Variants in MYO3B observed in about 807,000 individuals in gnomAD.
MYO3B encodes the protein myosin IIIB.
In MYO3B, 156 loss-of-function variants were observed where a neutral mutation model predicts 174.6. The observed-to-expected ratio is 0.89, with a 90% CI of 0.78 to 1.02. The LOEUF is 1.02. MYO3B is among the 50% of genes least tolerant of loss of function. The pLI, the probability that MYO3B is intolerant of heterozygous loss-of-function variation, is 0.00. For missense variants in MYO3B, 1,632 were observed against 1,639.4 expected, an observed-to-expected ratio of 1.00 and a Z score of 0.08; for synonymous variants, 563 against 569.1, an observed-to-expected ratio of 0.99 and a Z score of 0.15.
At chr2:170,289,951 C>G (rs1261308778) in intron 7 of MYO3B, among the ~76,000 whole-genome samples, 3 of 152,032 alleles carry the variant, frequency 2.0e-5, no homozygotes, top group African/African-American at 4.8e-5. Flanking sequence ...ATTTCATTGA[C>G]CCATTGGTCA....
chr2:170,241,106 T>A (rs2093127289), intron 7 of MYO3B, among the ~76,000 whole-genome samples: 1 of 149,108 alleles, frequency 6.7e-6, no homozygotes, highest in African/African-American at 2.5e-5. Flanking sequence ...TTCTCTTATT[T>A]TTTCTCTTCC....
chr2:170,506,780 G>A (rs1687645599), intron 28 of MYO3B, among the ~76,000 whole-genome samples: 1 of 152,196 alleles, frequency 6.6e-6, no homozygotes, highest in South Asian at 2.1e-4. Context: ...AATGACTGTA[G>A]TAGATATTTT....
At chr2:170,220,119 A>G (rs912725666) in intron 6 of MYO3B, among the ~76,000 whole-genome samples, 26 of 151,408 alleles carry the variant, frequency 1.7e-4, no homozygotes, top group Admixed American at 5.3e-4. Context: ...TTAGCTGGGC[A>G]TGGTGGCGGG....
rs1397982857 is a variant in MYO3B, at chr2:170,349,810, A to AG, written c.815+14360_815+14361insG. 3 of 152,210 alleles carry AG rather than the reference A, an allele frequency of 2.0e-5. 1 individual carries two copies. Among genetic ancestry groups the AG allele is most frequent in the Non-Finnish European group, 4.4e-5 (3 of 68,654 alleles). 9.4% of individuals were successfully genotyped at this position (152,210 alleles called of 1,614,324 possible). On this transcript the variant is annotated intron_variant, in intron 8 of 34. Transcript: ENST00000408978. ...GAGACCCTGTCTCAAAAAAAAAAAAAAAAGAAAGAAAGAAAAAAATTATGC... is the reference window on the plus strand; with the variant it reads ...GAGACCCTGTCTCAAAAAAAAAAAAAGAAAGAAAGAAAGAAAAAAATTATGC...
intron 17 of MYO3B, among the ~76,000 whole-genome samples, chr2:170,400,654 C>CCA (rs1553482743): frequency 7.1e-6 from 1 of 141,616 alleles, no homozygotes; most frequent in African/African-American, 2.7e-5. Flanking sequence ...CCACCCCCCC[C>CCA]CCCTCGGCCT....
intron 8 of MYO3B, among the ~76,000 whole-genome samples, chr2:170,362,285 C>CCCA (rs2094167407): frequency 6.6e-6 from 1 of 152,196 alleles, no homozygotes; most frequent in African/African-American, 2.4e-5. Context: ...CCCAAGTTTC[C>CCCA]TGCCCAGTGT....
intron 25 of MYO3B, among the ~76,000 whole-genome samples, chr2:170,495,580 T>TAAA (rs113951822): frequency 2.6e-4 from 38 of 147,418 alleles, no homozygotes; most frequent in Admixed American, 4.1e-4. Flanking sequence ...TAACAGTTGC[T>TAAA]AAAAAAAAAA....
intron 22 of MYO3B, among the ~76,000 whole-genome samples, chr2:170,410,592 G>GAAAAAAAAAAAAAAAAAAAAA (rs59296953): frequency 2.7e-5 from 3 of 112,530 alleles, no homozygotes; most frequent in Non-Finnish European, 5.4e-5. Context: ...CAAAAAAAAA[G>GAAAAAAAAAAAAAAAAAAAAA]AAAAAAAAAA....
chr2:170,512,228 GA>G (rs5836284), intron 28 of MYO3B, among the ~76,000 whole-genome samples: 4 of 150,670 alleles, frequency 2.7e-5, no homozygotes, highest in Non-Finnish European at 4.4e-5. Flanking sequence ...TAGGGCTGTA[GA>G]AAAAAAAAAT....
intron 22 of MYO3B, among the ~76,000 whole-genome samples, chr2:170,416,910 C>G (rs1162071175): frequency 6.7e-6 from 1 of 148,848 alleles, no homozygotes; most frequent in African/African-American, 2.5e-5. Context: ...ACTGCAACCT[C>G]TGCCTCCCGG....
At chr2:170,444,594 C>T (rs1349417463) in intron 23 of MYO3B, among the ~76,000 whole-genome samples, 2 of 152,070 alleles carry the variant, frequency 1.3e-5, no homozygotes, top group South Asian at 2.1e-4. Flanking sequence ...AGGCTGGTCA[C>T]GTTTCTGAAT....
intron 3 of MYO3B, among the ~76,000 whole-genome samples, chr2:170,211,527 A>G (rs2092770508): frequency 6.8e-6 from 1 of 146,852 alleles, no homozygotes; most frequent in Non-Finnish European, 1.5e-5. Flanking sequence ...TTCGAAGGGG[A>G]TAAGGGTAAG....
chr2:170,554,512 G>T (rs567761976), intron 32 of MYO3B, among the ~76,000 whole-genome samples: 3 of 152,334 alleles, frequency 2.0e-5, no homozygotes, highest in Non-Finnish European at 2.9e-5. Flanking sequence ...AAGCCGCAGA[G>T]GTCACATGCC....
At chr2:170,262,667 A>G (rs906040841) in intron 7 of MYO3B, among the ~76,000 whole-genome samples, 3 of 152,162 alleles carry the variant, frequency 2.0e-5, no homozygotes, top group Admixed American at 6.5e-5. Context: ...TTGGGTAGAT[A>G]TGCGTCCATG....
chr2:170,322,679 T>C (rs1290929294), intron 7 of MYO3B, among the ~76,000 whole-genome samples: 6 of 152,222 alleles, frequency 3.9e-5, no homozygotes, highest in Non-Finnish European at 7.3e-5. Context: ...TAACCAGTCT[T>C]CCTCAGGAAC....
chr2:170,252,819 T>C (rs2093267406), intron 7 of MYO3B, among the ~76,000 whole-genome samples: 1 of 152,060 alleles, frequency 6.6e-6, no homozygotes, highest in Admixed American at 6.5e-5. Flanking sequence ...AAGCCACATT[T>C]GGAGGAAACA....
At chr2:170,454,409 C>G (rs1467292788) in intron 23 of MYO3B, among the ~76,000 whole-genome samples, 1 of 152,166 alleles carries the variant, frequency 6.6e-6, no homozygotes, top group Non-Finnish European at 1.5e-5. Flanking sequence ...CAATACGGCT[C>G]CAGTTACAGA....
chr2:170,402,699 GCTT>G, intron 18 of MYO3B, 146 bp from the exon 19 acceptor site: 1 of 539,984 alleles, frequency 1.9e-6, no homozygotes. Flanking sequence ...GACATAAACT[GCTT>G]CTTTTCTTAG....
chr2:170,534,546 A>C (rs1689562290), intron 30 of MYO3B, among the ~76,000 whole-genome samples: 1 of 152,128 alleles, frequency 6.6e-6, no homozygotes, highest in Non-Finnish European at 1.5e-5. Flanking sequence ...TCTGGGCTTA[A>C]GTGATCCTCC....
Sources: allele counts gnomAD v4.1 joint callset (sites outside exome capture counted in the v4.1 genomes callset), GRCh38; gene constraint gnomAD v4.1.1; transcripts MANE v1.5; gene names NCBI Gene and HGNC (gene_info 2026-07-23, HGNC 2026-07-21).